Variants in PIP5K1B observed in about 807,000 individuals in gnomAD.
PIP5K1B encodes the protein phosphatidylinositol 4-phosphate 5-kinase type-1 beta.
PIP5K1B carries 42 observed loss-of-function variants against 67.0 expected under a neutral mutation model. The ratio of observed to expected loss-of-function variants is 0.63; its 90% confidence interval spans 0.49 to 0.81. The LOEUF (loss-of-function observed/expected upper bound fraction) is 0.81, where lower values mean the gene tolerates loss of function less well. PIP5K1B is among the 30% of genes least tolerant of loss of function. The pLI is 0.00. For synonymous variants in PIP5K1B, 214 were observed against 231.4 expected (o/e 0.92, Z 0.68); for missense variants, 459 against 646.3 (o/e 0.71, Z 3.14).
chr9:68,999,853 C>A (rs1830741538), intron 15 of PIP5K1B, among the ~76,000 whole-genome samples: 1 of 152,176 alleles, frequency 6.6e-6, no homozygotes, highest in Non-Finnish European at 1.5e-5. Flanking sequence ...AGTGATGGAG[C>A]CCCTAGAGTT....
At chr9:68,925,692 A>C (rs1014260967) in intron 12 of PIP5K1B, among the ~76,000 whole-genome samples, 1 of 152,026 alleles carries the variant, frequency 6.6e-6, no homozygotes, top group African/African-American at 2.4e-5. Context: ...TCAAATTGAC[A>C]TCACCGTAAA....
At chr9:68,828,548 G>A (rs1203461660) in intron 4 of PIP5K1B, among the ~76,000 whole-genome samples, 3 of 152,170 alleles carry the variant, frequency 2.0e-5, no homozygotes, top group Non-Finnish European at 4.4e-5. Flanking sequence ...GGCAGGCAGC[G>A]GTGAGGAAGG....
intron 14 of PIP5K1B, among the ~76,000 whole-genome samples, chr9:68,952,364 C>T (rs1259630801): frequency 5.3e-5 from 8 of 152,200 alleles, no homozygotes; most frequent in Admixed American, 1.3e-4. Flanking sequence ...TGGTTGCCCT[C>T]TAGGACCTGA....
At chr9:68,897,145 G>T (rs1825131331) in intron 8 of PIP5K1B, among the ~76,000 whole-genome samples, 1 of 152,182 alleles carries the variant, frequency 6.6e-6, no homozygotes, top group Admixed American at 6.5e-5. Context: ...CTGAGCTGAG[G>T]CCAGCACCTA....
At chr9:68,714,966 A>G (rs1261145322) in intron 1 of PIP5K1B, among the ~76,000 whole-genome samples, 4 of 152,152 alleles carry the variant, frequency 2.6e-5, no homozygotes, top group Non-Finnish European at 5.9e-5. Flanking sequence ...GGACCCTGCA[A>G]TATCACATTT....
chr9:68,769,295 A>G (rs983582280), intron 2 of PIP5K1B, among the ~76,000 whole-genome samples: 2 of 152,098 alleles, frequency 1.3e-5, no homozygotes, highest in Non-Finnish European at 2.9e-5. Flanking sequence ...GAGCCTTTCA[A>G]TTTTACATTT....
intron 14 of PIP5K1B, among the ~76,000 whole-genome samples, chr9:68,956,947 C>T (rs979381843): frequency 6.6e-5 from 10 of 152,048 alleles, no homozygotes; most frequent in Admixed American, 2.0e-4. Context: ...CAAATATTAC[C>T]GCCCACTGTG....
chr9:68,811,376 G>A (rs991714062), intron 2 of PIP5K1B, among the ~76,000 whole-genome samples: 13 of 152,022 alleles, frequency 8.6e-5, no homozygotes, highest in African/African-American at 3.1e-4. Flanking sequence ...CATTTCTCAG[G>A]CTTCCTATGG....
At chr9:68,913,972 T>C (rs892172030) in intron 8 of PIP5K1B, among the ~76,000 whole-genome samples, 1 of 152,136 alleles carries the variant, frequency 6.6e-6, no homozygotes, top group African/African-American at 2.4e-5. Context: ...ACCTGTAAAA[T>C]TGCACAGTTC....
intron 12 of PIP5K1B, among the ~76,000 whole-genome samples, chr9:68,930,521 T>C (rs542631770): frequency 6.6e-6 from 1 of 152,214 alleles, no homozygotes; most frequent in South Asian, 2.1e-4. Context: ...CTCTGCAGTA[T>C]CAGGATTGCA....
chr9:68,727,675 A>G (rs1828220232), intron 1 of PIP5K1B: 1 of 152,142 alleles, frequency 6.6e-6, no homozygotes, highest in Admixed American at 6.5e-5. Flanking sequence ...TCACCATTTA[A>G]TAGAGGAGGT....
At chr9:68,789,391 A>T in intron 2 of PIP5K1B, 1 of 420,644 alleles carries the variant, frequency 2.4e-6, no homozygotes, top group Non-Finnish European at 4.6e-6. Flanking sequence ...ACAGACTCCA[A>T]CATAGTCCTG....
At chr9:68,882,087 C>T (rs1339845279) in intron 6 of PIP5K1B, among the ~76,000 whole-genome samples, 2 of 151,796 alleles carry the variant, frequency 1.3e-5, no homozygotes, top group Non-Finnish European at 1.5e-5. Flanking sequence ...GGAGACCCTG[C>T]AGGAAATAGA....
intron 1 of PIP5K1B, chr9:68,741,688 A>G (rs1213674742): frequency 6.6e-6 from 1 of 152,202 alleles, no homozygotes; most frequent in Middle Eastern, 3.2e-3. Flanking sequence ...GAGAAGGGAA[A>G]CTTGGTAACC....
In PIP5K1B at chr9:68,773,584, G is replaced by T. The variant is rs116205110; in HGVS notation, c.-86+30927G>T. Among the ~76,000 whole-genome samples the T allele has an allele frequency of 2.1e-3, 327 of 152,336 alleles. 1 individual carries two copies. Among genetic ancestry groups the T allele is most frequent in the African/African-American group, 7.6e-3 (315 of 41,564 alleles). On this transcript the variant is annotated intron_variant, in intron 2 of 15. Transcript: ENST00000265382. ...TTACTTGAATTGTGCTGAGGGCCTA[G>T]CCTGTAAGATTCTTCCATCAAGTCT...
intron 1 of PIP5K1B, among the ~76,000 whole-genome samples, chr9:68,710,480 A>G (rs1827333679): frequency 6.6e-6 from 1 of 152,188 alleles, no homozygotes. Context: ...GTATTCAGTC[A>G]GGTTCCTTTT....
intron 5 of PIP5K1B, among the ~76,000 whole-genome samples, chr9:68,871,813 G>T (rs1257057570): frequency 6.6e-6 from 1 of 152,042 alleles, no homozygotes; most frequent in Non-Finnish European, 1.5e-5. Flanking sequence ...ACTGGCCCAT[G>T]GGATCCAAGC....
chr9:68,951,817 T>TC (rs1343883255), intron 14 of PIP5K1B, among the ~76,000 whole-genome samples: 2 of 152,184 alleles, frequency 1.3e-5, no homozygotes, highest in African/African-American at 4.8e-5. Context: ...GTAGTCCACC[T>TC]CCCCCTACGT....
chr9:68,901,821 A>AT (rs1373031600), intron 8 of PIP5K1B, among the ~76,000 whole-genome samples: 1 of 152,208 alleles, frequency 6.6e-6, no homozygotes, highest in African/African-American at 2.4e-5. Context: ...AGAAAAAATG[A>AT]TTTTGGACTT....
Sources: allele counts gnomAD v4.1 joint callset (sites outside exome capture counted in the v4.1 genomes callset), GRCh38; gene constraint gnomAD v4.1.1; transcripts MANE v1.5; gene names NCBI Gene and HGNC (gene_info 2026-07-23, HGNC 2026-07-21).